MMP11: variants seen among roughly 807,000 people sequenced by gnomAD.
The protein encoded by MMP11 is matrix metallopeptidase 11, also known as stromelysin-3.
MMP11 carries 26 observed loss-of-function variants against 49.5 expected under a neutral mutation model. The ratio of observed to expected loss-of-function variants is 0.52; its 90% CI spans 0.38 to 0.73. MMP11 has a LOEUF of 0.73. MMP11 is among the 30% of genes least tolerant of loss of function. The pLI, the probability that MMP11 is intolerant of heterozygous loss-of-function variation, is 0.00. For missense variants in MMP11, 624 were observed against 671.2 expected (o/e 0.93, Z 0.78); for synonymous variants, 265 against 282.3 (o/e 0.94, Z 0.62).
rs58753819 is a variant in MMP11 at position 23,777,566 on chromosome 22, CAAA to C, written c.109-1604_109-1602del. ...TGGGCGATAGAGCGAGACTCTCTCT[CAAA>C]AAAAAAAAAAAAAAAATTAACCAGG... On this transcript the variant is annotated intron_variant, in intron 1 of 7. Coordinates refer to ENST00000215743, the MANE Select transcript of MMP11 (RefSeq NM_005940.5). 6.0e-3 allele frequency: 659 copies of C among 109,830 alleles called. 15 individuals carry two copies. The South Asian group carries it at 0.11, about 18-fold the overall frequency. 6.8% of individuals were successfully genotyped at this position (109,830 alleles called of 1,614,324 possible).
Position 23,780,700 on chromosome 22 carries a change from A to G in MMP11, c.601A>G (p.Ile201Val), listed in dbSNP as rs937168934. Reference protein sequence around the residue: ...VHFDYDETWTIGDDQGTDLLQ... With the variant: ...VHFDYDETWTVGDDQGTDLLQ... Reference sequence around the variant, plus strand: ...CTTCGACTATGATGAGACCTGGACTATCGGGGATGACCAGGGTATGGGCTG... The same window carrying G: ...CTTCGACTATGATGAGACCTGGACTGTCGGGGATGACCAGGGTATGGGCTG... The change falls in exon 4 of 8, where the codon ATC becomes GTC. Residue 201 changes from isoleucine to valine, a missense_variant. By Grantham distance (29) the Ile-to-Val change is conservative. Coordinates refer to ENST00000215743, the MANE Select transcript of MMP11 (RefSeq NM_005940.5). This position sits in a 1 kb window ranked among gnomAD's most constrained non-coding sequence, Gnocchi z 4.6. 5 of 1,557,440 alleles carry G rather than the reference A, an allele frequency of 3.2e-6. No homozygotes were observed. The highest frequency in any genetic ancestry group is 4.3e-6 in the Non-Finnish European group (5 of 1,155,556).
Position 23,780,997 on chromosome 22 carries a change from G to T in MMP11, c.755G>T (p.Gly252Val), listed in dbSNP as rs1927601841. ...PLSLSPDDCR[G>V]VQHLYGQPWP... is the part of the protein sequence containing the mutation. ...AGTCTCAGCCCAGATGACTGCAGGG[G>T]CGTTCAACACCTATATGGCCAGCCC... The change falls in exon 5 of 8, where the codon GGC (glycine) becomes GTC (valine). Residue 252 changes from glycine to valine, a missense_variant. Coordinates refer to ENST00000215743, the MANE Select transcript of MMP11 (RefSeq NM_005940.5). This position sits in a 1 kb window ranked among gnomAD's most constrained non-coding sequence, Gnocchi z 4.6. 6.2e-7 allele frequency: 1 copy of T among 1,613,288 alleles called. No homozygotes were observed. The highest frequency in any genetic ancestry group is 8.5e-7 in the Non-Finnish European group (1 of 1,180,036).
At position 23,779,384 on chromosome 22, in the gene MMP11, C is replaced by T. The variant is rs369625186; in HGVS notation, c.306C>T (p.Gly102=). 1.1e-4 allele frequency: 170 copies of T among 1,612,630 alleles called. 1 individual carries two copies. In the African/African-American group the frequency reaches 1.8e-3, roughly 17 times the overall value. The part of the protein sequence containing the change: ...RNRQKRFVLS[G]GRWEKTDLTY... ...GACAGAAGAGGTTCGTGCTTTCTGG[C>T]GGGCGCTGGGAGAAGACGGACCTCA... The change falls in exon 2 of 8, where the codon GGC becomes GGT. Residue 102 remains glycine, a synonymous_variant. Coordinates refer to ENST00000215743, the MANE Select transcript of MMP11 (RefSeq NM_005940.5).
rs1369010539 is a variant in MMP11 at position 23,772,883 on chromosome 22, G to A, written c.13G>A (p.Ala5Thr). MAPAAWLRSAAARAL... is the reference protein window; with the variant it reads MAPATWLRSAAARAL... ...AGCCCCGGGGCGGATGGCTCCGGCC[G>A]CCTGGCTCCGCAGCGCGGCCGCGCG... The change falls in exon 1 of 8, where the codon GCC becomes ACC. Residue 5 changes from alanine (A) to threonine (T), a missense_variant. Ala to Thr is a moderately conservative substitution (Grantham distance 58). Transcript: ENST00000215743. 4.3e-6 allele frequency: 5 copies of A among 1,161,358 alleles called. No individual in the cohort carries two copies. Among genetic ancestry groups the A allele is most frequent in the Admixed American group, 9.4e-5 (2 of 21,292 alleles). 71.9% of individuals were successfully genotyped at this position (1,161,358 alleles called of 1,614,324 possible). A position where few individuals can be genotyped will look rare whatever the true frequency, so the allele number is the denominator to read the frequency against.
rs1448310423 is a variant in MMP11 at position 23,781,008 on chromosome 22, C to A, written c.766C>A (p.Leu256Ile). ...SPDDCRGVQH[L>I]YGQPWPTVTS... ...AGATGACTGCAGGGGCGTTCAACAC[C>A]TATATGGCCAGCCCTGGCCCACTGT... Residue 256 changes from leucine to isoleucine, a missense_variant, in exon 5 of 8, where the codon CTA becomes ATA. Coordinates refer to ENST00000215743, the MANE Select transcript of MMP11 (RefSeq NM_005940.5). The A allele has an allele frequency of 6.2e-7, 1 of 1,613,182 alleles. No homozygotes were observed. The highest frequency in any genetic ancestry group is 1.1e-5 in the South Asian group (1 of 91,078).
rs1376882895 is a variant in MMP11 at position 23,772,895 on chromosome 22, AGCGCGGCCGC to A, written c.31_40del (p.Ala11ProfsTer76). The A allele has an allele frequency of 8.6e-7, 1 of 1,166,972 alleles. No homozygotes were observed. The highest frequency in any genetic ancestry group is 1.1e-6 in the Non-Finnish European group (1 of 946,956). The allele number at this position is 1,166,972 out of a possible 1,614,324, so 72.3% of individuals were successfully genotyped here. ...GATGGCTCCGGCCGCCTGGCTCCGCAGCGCGGCCGCGCGCGCCCTCCTGCCCCCGATGCTG... is the reference window on the plus strand; with the variant it reads ...GATGGCTCCGGCCGCCTGGCTCCGCAGCGCGCCCTCCTGCCCCCGATGCTG... On this transcript the variant is annotated frameshift_variant, in exon 1 of 8. Transcript: ENST00000215743. LOFTEE classifies it high-confidence loss of function.
intron 7 of MMP11, among the ~76,000 whole-genome samples, chr22:23,783,022 C>G (rs1927698692): frequency 6.6e-6 from 1 of 152,118 alleles, no homozygotes; most frequent in Non-Finnish European, 1.5e-5. Flanking sequence ...ACTGGGAGAG[C>G]TATCCTAGGG....
At chr22:23,773,109 C>G in intron 1 of MMP11, 131 bp downstream of exon 1, 1 of 1,007,088 alleles carries the variant, frequency 9.9e-7, no homozygotes, top group Non-Finnish European at 1.2e-6. Context: ...GAAACGCTTT[C>G]TGGTTCCCTC....
Position 23,780,711 on chromosome 22 carries a change from C to T in MMP11, c.612C>T (p.Asp204=), listed in dbSNP as rs758821625. The T allele has an allele frequency of 1.1e-5, 17 of 1,551,750 alleles. No individual in the cohort carries two copies. The East Asian group carries it at 1.8e-4, about 16-fold the overall frequency. ...DYDETWTIGD[D]QGTDLLQVAA... is the part of the protein sequence containing the mutation. ...ATGAGACCTGGACTATCGGGGATGA[C>T]CAGGGTATGGGCTGGGGACCCATTT... Residue 204 remains aspartate, a synonymous_variant, in exon 4 of 8, where the codon GAC becomes GAT. Transcript: ENST00000215743. The surrounding 1 kb of genome is among the most constrained non-coding windows in gnomAD (Gnocchi z 4.6).
intron 1 of MMP11, 141 bp downstream of exon 1, chr22:23,773,119 C>G: frequency 1.1e-5 from 11 of 985,692 alleles, no homozygotes; most frequent in Non-Finnish European, 1.4e-5. Flanking sequence ...CTGGTTCCCT[C>G]TAGGCGTGAT....
intron 6 of MMP11, 128 bp downstream of exon 6, chr22:23,781,537 G>C: frequency 1.1e-6 from 1 of 900,518 alleles, no homozygotes; most frequent in Non-Finnish European, 1.7e-6. Context: ...AAGCCTGGGG[G>C]CCGAGGGAGA....
chr22:23,772,925 ATGCTGC>A lies in MMP11; in HGVS notation c.66_71del (p.Leu23_Leu24del). 8.3e-7 allele frequency: 1 copy of A among 1,208,312 alleles called. No individual in the cohort carries two copies. Among genetic ancestry groups the A allele is most frequent in the Non-Finnish European group, 1.0e-6 (1 of 969,348 alleles). The allele number at this position is 1,208,312 out of a possible 1,614,324, so 74.8% of individuals were successfully genotyped here. On this transcript the variant is annotated inframe_deletion, in exon 1 of 8. Coordinates refer to ENST00000215743, the MANE Select transcript of MMP11 (RefSeq NM_005940.5). The stretch of plus-strand genomic sequence containing the variant: ...GGCCGCGCGCGCCCTCCTGCCCCCG[ATGCTGC>A]TGCTGCTGCTCCAGCCGCCGCCGCT...
At chr22:23,782,932 C>A (rs960263307) in intron 7 of MMP11, among the ~76,000 whole-genome samples, 3 of 152,178 alleles carry the variant, frequency 2.0e-5, no homozygotes, top group Non-Finnish European at 4.4e-5. Flanking sequence ...CCTCCCACAA[C>A]CACAGGGGGC....
intron 1 of MMP11, among the ~76,000 whole-genome samples, chr22:23,778,535 A>T (rs1267392466): frequency 6.6e-6 from 1 of 152,222 alleles, no homozygotes; most frequent in African/African-American, 2.4e-5. Context: ...CTCAGTGGCC[A>T]GGTGCCTTCC....
intron 1 of MMP11, among the ~76,000 whole-genome samples, chr22:23,775,564 A>G (rs1173979439): frequency 6.6e-6 from 1 of 152,238 alleles, no homozygotes; most frequent in Non-Finnish European, 1.5e-5. Context: ...ATGGGCTCTA[A>G]AAACAACCTC....
chr22:23,774,402 G>C (rs1327254016), intron 1 of MMP11, among the ~76,000 whole-genome samples: 2 of 152,144 alleles, frequency 1.3e-5, no homozygotes, highest in South Asian at 4.1e-4. Flanking sequence ...GGAGCATGTG[G>C]GGTCACCTCT....
At chr22:23,776,120 C>T (rs1425041751) in intron 1 of MMP11, among the ~76,000 whole-genome samples, 1 of 152,122 alleles carries the variant, frequency 6.6e-6, no homozygotes, top group Non-Finnish European at 1.5e-5. Flanking sequence ...GAGGGAAGGA[C>T]AGGAAGGGAC....
intron 6 of MMP11, 136 bp downstream of exon 6, chr22:23,781,545 A>G: frequency 1.1e-5 from 9 of 838,934 alleles, no homozygotes; most frequent in Non-Finnish European, 1.7e-5. Flanking sequence ...GGGCCGAGGG[A>G]GAGAGAGTGT....
At chr22:23,781,985 T>C in intron 6 of MMP11, 3 of 680,604 alleles carry the variant, frequency 4.4e-6, no homozygotes. Flanking sequence ...CAGGCAGCCC[T>C]CTACTGATGA....
Sources: allele counts gnomAD v4.1 joint callset (sites outside exome capture counted in the v4.1 genomes callset), GRCh38; gene constraint gnomAD v4.1.1; non-coding constraint Gnocchi (gnomAD v3.1); transcripts MANE v1.5; gene names NCBI Gene and HGNC (gene_info 2026-07-23, HGNC 2026-07-21).